GRM7: variants seen among roughly 807,000 people sequenced by gnomAD.
GRM7 encodes metabotropic glutamate receptor 7.
In GRM7, 35 loss-of-function variants were observed where a neutral mutation model predicts 84.5. The observed-to-expected ratio is 0.41, with a 90% CI of 0.32 to 0.55. The LOEUF (loss-of-function observed/expected upper bound fraction) is 0.55, where lower values mean the gene tolerates loss of function less well. GRM7 is among the 20% of genes least tolerant of loss of function. The pLI, the probability that GRM7 is intolerant of heterozygous loss-of-function variation, is 0.19. For synonymous variants in GRM7, 487 were observed against 455.1 expected (o/e 1.07, Z -0.89); for missense variants, 1,003 against 1,194.6 (o/e 0.84, Z 2.36).
intron 9 of GRM7, among the ~76,000 whole-genome samples, chr3:7,697,182 A>G (rs543607606): frequency 1.3e-5 from 2 of 152,358 alleles, no homozygotes; most frequent in Non-Finnish European, 2.9e-5. Context: ...GTTTGTGTCC[A>G]GAAGTATAAA....
intron 5 of GRM7, among the ~76,000 whole-genome samples, chr3:7,417,030 C>G (rs114840139): frequency 4.9e-4 from 75 of 152,162 alleles, no homozygotes; most frequent in African/African-American, 1.7e-3. Flanking sequence ...CTTCTATGAG[C>G]TTAAACACAG....
At chr3:7,081,363 A>G (rs905022846) in intron 1 of GRM7, among the ~76,000 whole-genome samples, 3 of 152,046 alleles carry the variant, frequency 2.0e-5, no homozygotes, top group Non-Finnish European at 4.4e-5. Flanking sequence ...GTGATCAGTG[A>G]TCTTTGATGT....
chr3:7,223,966 G>A (rs75950024), intron 2 of GRM7, among the ~76,000 whole-genome samples: 3,740 of 152,188 alleles, frequency 0.025, 84 homozygotes, highest in African/African-American at 0.063. Flanking sequence ...AATCTTTCTT[G>A]TTGCTCTTAT....
At chr3:7,063,692 T>C (rs1339321890) in intron 1 of GRM7, among the ~76,000 whole-genome samples, 1 of 151,370 alleles carries the variant, frequency 6.6e-6, no homozygotes, top group Non-Finnish European at 1.5e-5. Context: ...AAGAAACTAA[T>C]TGGCTCATAG....
chr3:7,168,863 A>G lies in GRM7; in HGVS notation c.736+22195A>G, dbSNP rs533800132. Among the ~76,000 whole-genome samples, 158 of 152,336 alleles carry G rather than the reference A, an allele frequency of 1.0e-3. 1 individual carries two copies. The highest frequency in any genetic ancestry group is 6.8e-3 in the Middle Eastern group (2 of 294). On this transcript the variant is annotated intron_variant, in intron 2 of 9. Transcript: ENST00000357716. ...CATCTTGTCTTGATATTCACCATAT[A>G]GAGGATAAATCTCCAATTTAATCAC... is the stretch of plus-strand genomic sequence containing the variant.
intron 7 of GRM7, among the ~76,000 whole-genome samples, chr3:7,479,799 T>C (rs1471886435): frequency 6.6e-6 from 1 of 152,164 alleles, no homozygotes; most frequent in African/African-American, 2.4e-5. Flanking sequence ...ACCCAGTTTG[T>C]CTGGCTCTGT....
chr3:7,740,096 T>C (rs1001518697), intron 9 of GRM7, among the ~76,000 whole-genome samples: 2 of 152,174 alleles, frequency 1.3e-5, no homozygotes, highest in East Asian at 3.9e-4. Flanking sequence ...CAACCACTGA[T>C]AAATTTATTA....
chr3:6,898,894 T>G (rs1696287821), intron 1 of GRM7, among the ~76,000 whole-genome samples: 1 of 151,830 alleles, frequency 6.6e-6, no homozygotes, highest in Admixed American at 6.6e-5. Flanking sequence ...TGAAGCTGGG[T>G]GCATGACTGG....
At chr3:7,186,862 G>A (rs955159908) in intron 2 of GRM7, among the ~76,000 whole-genome samples, 2 of 152,096 alleles carry the variant, frequency 1.3e-5, no homozygotes, top group African/African-American at 2.4e-5. Flanking sequence ...TACAAATAAG[G>A]TTTTATTTTT....
intron 5 of GRM7, among the ~76,000 whole-genome samples, chr3:7,433,218 A>T (rs1399215912): frequency 6.6e-6 from 1 of 152,174 alleles, no homozygotes; most frequent in East Asian, 1.9e-4. Context: ...TTATCTTGAG[A>T]ATCAAGAAGT....
chr3:7,476,789 T>G (rs1264191605), intron 7 of GRM7, among the ~76,000 whole-genome samples: 1 of 152,158 alleles, frequency 6.6e-6, no homozygotes, highest in East Asian at 1.9e-4. Flanking sequence ...CCCACACTTC[T>G]GTCTCAAAGA....
intron 1 of GRM7, among the ~76,000 whole-genome samples, chr3:7,123,635 A>T (rs1693298721): frequency 6.6e-6 from 1 of 152,022 alleles, no homozygotes; most frequent in Non-Finnish European, 1.5e-5. Flanking sequence ...GAAAAAAAAA[A>T]AGTGGGATGC....
chr3:7,049,409 C>G (rs1445468074), intron 1 of GRM7, among the ~76,000 whole-genome samples: 2 of 151,940 alleles, frequency 1.3e-5, no homozygotes, highest in South Asian at 4.1e-4. Context: ...ATAAAACCAT[C>G]AGATCTTGTA....
chr3:6,890,702 TA>T (rs1344015771), intron 1 of GRM7, among the ~76,000 whole-genome samples: 1 of 152,170 alleles, frequency 6.6e-6, no homozygotes, highest in Non-Finnish European at 1.5e-5. Context: ...AAAAAATGTA[TA>T]TTCTGTTGAT....
At chr3:7,540,433 G>T in intron 7 of GRM7, among the ~76,000 whole-genome samples, 1 of 152,098 alleles carries the variant, frequency 6.6e-6, no homozygotes, top group East Asian at 1.9e-4. Flanking sequence ...GCTTCAGTAG[G>T]AATTATACTT....
intron 8 of GRM7, among the ~76,000 whole-genome samples, chr3:7,599,714 T>G (rs935937887): frequency 1.2e-4 from 19 of 152,160 alleles, no homozygotes; most frequent in African/African-American, 4.1e-4. Context: ...TAAGATTAAC[T>G]GACAAAGAAT....
At chr3:7,072,763 A>G (rs1574863952) in intron 1 of GRM7, among the ~76,000 whole-genome samples, 1 of 152,320 alleles carries the variant, frequency 6.6e-6, no homozygotes, top group East Asian at 1.9e-4. Flanking sequence ...TCAACATTGC[A>G]GAACATTACA....
At chr3:6,868,972 A>T (rs188783129) in intron 1 of GRM7, among the ~76,000 whole-genome samples, 1 of 152,298 alleles carries the variant, frequency 6.6e-6, no homozygotes, top group East Asian at 1.9e-4. Context: ...GTAGCAAGAA[A>T]GTCACTTAAA....
At chr3:6,899,034 A>G (rs763211940) in intron 1 of GRM7, among the ~76,000 whole-genome samples, 2 of 152,118 alleles carry the variant, frequency 1.3e-5, no homozygotes, top group Non-Finnish European at 1.5e-5. Context: ...TAGGGGCAAA[A>G]TCTAGCTTCC....
Sources: allele counts gnomAD v4.1 joint callset (sites outside exome capture counted in the v4.1 genomes callset), GRCh38; gene constraint gnomAD v4.1.1; transcripts MANE v1.5; gene names NCBI Gene and HGNC (gene_info 2026-07-23, HGNC 2026-07-21).